NOTCH2NLB: variants seen among roughly 807,000 people sequenced by gnomAD.
NOTCH2NLB encodes the protein notch 2 N-terminal like B.
In NOTCH2NLB, 1 loss-of-function variant was observed where a neutral mutation model predicts 14.8. The ratio of observed to expected loss-of-function variants is 0.07; its 90% CI spans 0.02 to 0.32. The LOEUF (loss-of-function observed/expected upper bound fraction) is 0.32, where lower values mean the gene tolerates loss of function less well. NOTCH2NLB is among the 10% of genes least tolerant of loss of function. NOTCH2NLB has a pLI of 1.00. For missense variants in NOTCH2NLB, 11 were observed against 155.0 expected (o/e 0.07, Z 4.93); for synonymous variants, 6 against 57.5 (o/e 0.10, Z 4.05).
At chr1:148,622,818 C>T (rs1235028555) in intron 2 of NOTCH2NLB, among the ~76,000 whole-genome samples, 1 of 85,542 alleles carries the variant, frequency 1.2e-5, no homozygotes, top group Admixed American at 9.8e-5. Context: ...TCATCTTATA[C>T]TTGTAGCACG....
intron 3 of NOTCH2NLB, among the ~76,000 whole-genome samples, chr1:148,615,238 A>G (rs1663777299): frequency 9.7e-6 from 1 of 103,008 alleles, no homozygotes; most frequent in Non-Finnish European, 2.2e-5. Context: ...GGGCTCAAGC[A>G]ATTCTTCCAC....
chr1:148,615,258 C>T (rs1473773875), intron 3 of NOTCH2NLB, among the ~76,000 whole-genome samples: 3 of 76,592 alleles, frequency 3.9e-5, no homozygotes, highest in South Asian at 6.6e-4. Context: ...CTTCAGCCTC[C>T]CAAGTAGTTA....
intron 1 of NOTCH2NLB, among the ~76,000 whole-genome samples, chr1:148,655,918 A>G (rs1164816562): frequency 7.0e-6 from 1 of 142,406 alleles, no homozygotes; most frequent in Non-Finnish European, 1.5e-5. Flanking sequence ...TATCTTAGAC[A>G]TTAAACTCTT....
chr1:148,601,352 A>T, the NOTCH2NLB span, among the ~76,000 whole-genome samples: 2 of 148,618 alleles, frequency 1.3e-5, no homozygotes, highest in African/African-American at 5.0e-5. Context: ...GAAAGGCTAT[A>T]TGAAAAGTTA....
chr1:148,651,156 A>T (rs1206093071), intron 1 of NOTCH2NLB, among the ~76,000 whole-genome samples: 49 of 80,094 alleles, frequency 6.1e-4, no homozygotes, highest in African/African-American at 2.1e-3. Flanking sequence ...AAAAAAAAAA[A>T]AAAAAAATAT....
At chr1:148,702,882 C>T in the NOTCH2NLB span, among the ~76,000 whole-genome samples, 2 of 20,844 alleles carry the variant, frequency 9.6e-5, no homozygotes, top group African/African-American at 2.4e-4. Context: ...GAGGCCGAGG[C>T]GGGCGGATCA....
chr1:148,670,094 C>T (rs1165289253), intron 1 of NOTCH2NLB, among the ~76,000 whole-genome samples: 1 of 80,526 alleles, frequency 1.2e-5, no homozygotes, highest in Non-Finnish European at 2.7e-5. Flanking sequence ...CAGAAAATAG[C>T]AGTTAACAAA....
At chr1:148,637,597 T>A (rs1403701838) in intron 2 of NOTCH2NLB, among the ~76,000 whole-genome samples, 3 of 148,240 alleles carry the variant, frequency 2.0e-5, no homozygotes, top group Non-Finnish European at 4.5e-5. Flanking sequence ...ATTTTGCTTT[T>A]AAGTTTTGGG....
intron 1 of NOTCH2NLB, among the ~76,000 whole-genome samples, chr1:148,645,761 A>AC (rs1553341106): frequency 8.0e-5 from 12 of 150,376 alleles, no homozygotes; most frequent in Admixed American, 3.3e-4. Flanking sequence ...TCACAGGGCC[A>AC]CCCCCCCACC....
chr1:148,613,320 G>A (rs1663750039), intron 3 of NOTCH2NLB, among the ~76,000 whole-genome samples: 1 of 144,254 alleles, frequency 6.9e-6, no homozygotes, highest in Non-Finnish European at 1.5e-5. Flanking sequence ...TTGACAAGGG[G>A]TAGATTTGTG....
chr1:148,673,364 G>A (rs1664786444), intron 1 of NOTCH2NLB, among the ~76,000 whole-genome samples: 1 of 25,714 alleles, frequency 3.9e-5, no homozygotes, highest in South Asian at 1.3e-3. Context: ...CCCAAAAGCA[G>A]GACCACCAGA....
intron 1 of NOTCH2NLB, among the ~76,000 whole-genome samples, chr1:148,674,722 G>T (rs1478861362): frequency 2.2e-5 from 2 of 92,302 alleles, no homozygotes; most frequent in African/African-American, 7.7e-5. Context: ...AGAAATGTGT[G>T]TAGCACAGAC....
intron 2 of NOTCH2NLB, among the ~76,000 whole-genome samples, chr1:148,621,818 G>T (rs1401276709): frequency 1.7e-5 from 2 of 114,664 alleles, no homozygotes; most frequent in Non-Finnish European, 3.4e-5. Flanking sequence ...TCAGTATAGG[G>T]TTATTTCCAG....
At chr1:148,608,348 C>G (rs1221655996) in intron 3 of NOTCH2NLB, among the ~76,000 whole-genome samples, 3 of 136,392 alleles carry the variant, frequency 2.2e-5, no homozygotes, top group Non-Finnish European at 4.6e-5. Flanking sequence ...GATTGTACCA[C>G]TGCACTCCAG....
chr1:148,639,189 C>T (rs1298553584), intron 2 of NOTCH2NLB, among the ~76,000 whole-genome samples: 2 of 131,458 alleles, frequency 1.5e-5, no homozygotes, highest in South Asian at 5.1e-4. Context: ...CTCTTTTATC[C>T]CCATATAATA....
chr1:148,622,258 T>G (rs1663897414), intron 2 of NOTCH2NLB, among the ~76,000 whole-genome samples: 1 of 103,280 alleles, frequency 9.7e-6, no homozygotes, highest in Admixed American at 9.0e-5. Flanking sequence ...TAGTCCCAGC[T>G]ACTCAGGAGG....
At position 148,623,959 on chromosome 1, in the gene NOTCH2NLB, G is replaced by A. The variant is rs1362396968; in HGVS notation, c.78-8009C>T. Among the ~76,000 whole-genome samples, 2 of 89,274 alleles carry A rather than the reference G, an allele frequency of 2.2e-5. 1 individual carries two copies. The highest frequency in any genetic ancestry group is 1.9e-4 in the African/African-American group (2 of 10,692). 58.6% of individuals were successfully genotyped at this position (89,274 alleles called of 152,430 possible). On this transcript the variant is annotated intron_variant, in intron 2 of 4. Coordinates refer to ENST00000593495, the Ensembl canonical transcript of NOTCH2NLB. ...CAAATCAACCTAATAGTCACCCTGA[G>A]GTATAGAATTATCCTTCATACCCCA...
chr1:148,705,796 AAT>A, the NOTCH2NLB span, among the ~76,000 whole-genome samples: 1 of 130,668 alleles, frequency 7.7e-6, no homozygotes, highest in Non-Finnish European at 1.7e-5. Flanking sequence ...CCTGTATTCT[AAT>A]AGACTCATTA....
chr1:148,693,113 T>C, the NOTCH2NLB span, among the ~76,000 whole-genome samples: 1 of 118,692 alleles, frequency 8.4e-6, no homozygotes. Context: ...CCATCCATTC[T>C]TCCTCTCTCT....
Sources: allele counts gnomAD v4.1 joint callset (sites outside exome capture counted in the v4.1 genomes callset), GRCh38; gene constraint gnomAD v4.1.1; transcripts MANE v1.5; gene names NCBI Gene and HGNC (gene_info 2026-07-23, HGNC 2026-07-21).